Variants in LONRF3 observed in about 807,000 individuals in gnomAD.
LONRF3 encodes the protein LON peptidase N-terminal domain and ring finger 3.
In LONRF3, 19 loss-of-function variants were observed where a neutral mutation model predicts 51.7. That is an observed-to-expected ratio of 0.37 (90% CI 0.26 to 0.54). LONRF3 has a LOEUF of 0.54. LONRF3 is among the 20% of genes least tolerant of loss of function. The pLI is 0.86. For missense variants in LONRF3, 521 were observed against 623.9 expected, an observed-to-expected ratio of 0.84 and a Z score of 1.76; for synonymous variants, 265 against 257.8, an observed-to-expected ratio of 1.03 and a Z score of -0.27.
At chrX:118,986,511 G>A (rs963889279) in intron 3 of LONRF3, among the ~76,000 whole-genome samples, 1 of 111,820 alleles carries the variant, frequency 8.9e-6, no homozygotes, top group African/African-American at 3.3e-5. Flanking sequence ...CCCCAAGTGA[G>A]GTTTCTCTCC....
chrX:118,980,579 T>TC (rs397803186), intron 2 of LONRF3, among the ~76,000 whole-genome samples: 5 of 111,056 alleles, frequency 4.5e-5, no homozygotes, highest in Non-Finnish European at 9.5e-5. Flanking sequence ...CATTTTTTTT[T>TC]CTGAGAAGGT....
chrX:119,010,287 T>C (rs1032154725), intron 7 of LONRF3, among the ~76,000 whole-genome samples: 2 of 111,305 alleles, frequency 1.8e-5, no homozygotes, highest in African/African-American at 6.6e-5. Context: ...ATCACTAATT[T>C]CTGCCTCTCT....
At chrX:119,012,867 T>C (rs1423175189) in intron 8 of LONRF3, 172 bp from the exon 9 acceptor site, 1 of 1,185,409 alleles carries the variant, frequency 8.4e-7, no homozygotes, top group Non-Finnish European at 1.1e-6. Flanking sequence ...ACGAATTTTT[T>C]TTCTTCACAC....
intron 5 of LONRF3, among the ~76,000 whole-genome samples, chrX:119,000,775 TTCTCTCTCTCTCTCTCTCTCTCTCTC>T (rs200671696): frequency 0.21 from 11,840 of 55,268 alleles, 751 homozygotes; most frequent in East Asian, 0.4. Flanking sequence ...TTCACTCTCA[TTCTCTCTCTCTCTCTCTCTCTCTCTC>T]TCTCTCTCTC....
chrX:119,000,971 G>T lies in LONRF3; in HGVS notation c.1416-5150G>T, dbSNP rs6645535. Among the ~76,000 whole-genome samples the T allele has an allele frequency of 9.1e-3, 1,005 of 110,825 alleles. 20 individuals carry two copies. The East Asian group carries it at 0.13, about 14-fold the overall frequency. Reference sequence around the variant, plus strand: ...AGAAAACAATACAAGGATGTAACTGGTGGGAAAAGATAGCTATTTCCAGAC... The same window carrying T: ...AGAAAACAATACAAGGATGTAACTGTTGGGAAAAGATAGCTATTTCCAGAC... On this transcript the variant is annotated intron_variant, in intron 5 of 10. Transcript: ENST00000371628.
At chrX:119,012,096 G>A in intron 8 of LONRF3, 123 bp downstream of exon 8, 1 of 658,044 alleles carries the variant, frequency 1.5e-6, no homozygotes, top group Non-Finnish European at 2.3e-6. Flanking sequence ...AAGAATATGA[G>A]CATTTGTAAG....
chrX:119,002,686 A>C (rs1020354525), intron 5 of LONRF3, among the ~76,000 whole-genome samples: 1 of 112,162 alleles, frequency 8.9e-6, no homozygotes, highest in African/African-American at 3.2e-5. Flanking sequence ...TGCTCTAGAT[A>C]CAAGTTCTTT....
rs3813933 is a variant in LONRF3, at chrX:118,974,822, T to C, written c.42T>C (p.Ala14=). The change falls in exon 1 of 11, where the codon GCT becomes GCC. Residue 14 remains alanine, a synonymous_variant. Coordinates refer to ENST00000371628, the MANE Select transcript of LONRF3 (RefSeq NM_001031855.3). ...VRIEQMLSLP[A]EVSSDNLESA... Reference sequence around the variant, plus strand: ...TCGAACAGATGCTGAGCTTGCCCGCTGAGGTCAGCAGCGACAACTTGGAGT... The same window carrying C: ...TCGAACAGATGCTGAGCTTGCCCGCCGAGGTCAGCAGCGACAACTTGGAGT... 0.45 allele frequency: 547,564 copies of C among 1,204,832 alleles called. 86,229 individuals are homozygous for C. Among genetic ancestry groups the C allele is most frequent in the East Asian group, 0.78 (26,140 of 33,516 alleles).
intron 10 of LONRF3, among the ~76,000 whole-genome samples, chrX:119,017,048 G>T (rs1469334340): frequency 8.9e-6 from 1 of 112,017 alleles, no homozygotes; most frequent in Non-Finnish European, 1.9e-5. Flanking sequence ...AAACAAGATG[G>T]AGGGGCTAAG....
rs6646314 is a variant in LONRF3, at chrX:119,010,197, A to G, written c.1652+950A>G. Among the ~76,000 whole-genome samples the G allele has an allele frequency of 9.1e-3, 1,017 of 111,716 alleles. 14 individuals are homozygous for G. The East Asian group carries it at 0.1, about 11-fold the overall frequency. ...ACAGGTAATGTGAGAGGTGAAGGGGAGGGGCAGAGGCGTCATTGAGGCTCT... is the reference window on the plus strand; with the variant it reads ...ACAGGTAATGTGAGAGGTGAAGGGGGGGGGCAGAGGCGTCATTGAGGCTCT... On this transcript the variant is annotated intron_variant, in intron 7 of 10. Coordinates refer to ENST00000371628, the MANE Select transcript of LONRF3 (RefSeq NM_001031855.3).
chrX:118,979,429 G>T (rs1922382532), intron 2 of LONRF3, among the ~76,000 whole-genome samples: 1 of 110,710 alleles, frequency 9.0e-6, no homozygotes, highest in Non-Finnish European at 1.9e-5. Flanking sequence ...GAGTAGCTGG[G>T]ATCACAGGCG....
intron 6 of LONRF3, 122 bp downstream of exon 6, chrX:119,006,357 A>G (rs1008560265): frequency 1.5e-5 from 5 of 338,338 alleles, no homozygotes; most frequent in African/African-American, 5.6e-5. Context: ...GCACTGTGGT[A>G]GGGCACATTA....
At position 118,996,166 on chromosome X, in the gene LONRF3, T is replaced by C. The variant is rs190990347; in HGVS notation, c.1415+5606T>C. ...TTGAGATGATCATGTGATTTTTGTT[T>C]TGATTTCTTTTCAGTATTATGTTGG... On this transcript the variant is annotated intron_variant, in intron 5 of 10. Transcript: ENST00000371628. 3.7e-4 allele frequency among the ~76,000 whole-genome samples: 41 copies of C among 112,238 alleles called. No homozygotes were observed. In the Admixed American group the frequency reaches 3.9e-3, roughly 11 times the overall value.
chrX:119,005,337 C>T (rs962407625), intron 5 of LONRF3, among the ~76,000 whole-genome samples: 1 of 111,769 alleles, frequency 8.9e-6, no homozygotes, highest in Non-Finnish European at 1.9e-5. Flanking sequence ...TCTGAAGGTA[C>T]AGAACAAATT....
intron 3 of LONRF3, among the ~76,000 whole-genome samples, chrX:118,984,317 C>T (rs1189941641): frequency 8.9e-6 from 1 of 112,307 alleles, no homozygotes; most frequent in Non-Finnish European, 1.9e-5. Context: ...ATGGCCACAG[C>T]CTTAGCACTC....
At chrX:118,993,958 C>A (rs1309817010) in intron 5 of LONRF3, among the ~76,000 whole-genome samples, 1 of 112,111 alleles carries the variant, frequency 8.9e-6, no homozygotes, top group African/African-American at 3.2e-5. Flanking sequence ...TAGACATTTT[C>A]AGACAAACAA....
chrX:119,012,765 A>G, intron 8 of LONRF3: 2 of 526,079 alleles, frequency 3.8e-6, no homozygotes, highest in Non-Finnish European at 2.9e-6. Context: ...AAATTTCAAA[A>G]TGGGTTGTAG....
chrX:119,014,221 T>C lies in LONRF3; in HGVS notation c.1989T>C (p.Asp663=). ...YIEDQKVQGE[D]CAELMGLHNC... ...GATACTTTCAGGTTCAGGGAGAGGATTGTGCTGAGCTCATGGGATTACATA... is the reference window on the plus strand; with the variant it reads ...GATACTTTCAGGTTCAGGGAGAGGACTGTGCTGAGCTCATGGGATTACATA... The change falls in exon 10 of 11, where the codon GAT becomes GAC. Residue 663 remains aspartate (D), a synonymous_variant. Coordinates refer to ENST00000371628, the MANE Select transcript of LONRF3 (RefSeq NM_001031855.3). The C allele has an allele frequency of 8.3e-7, 1 of 1,206,839 alleles. No homozygotes were observed. Among genetic ancestry groups the C allele is most frequent in the East Asian group, 3.0e-5 (1 of 33,768 alleles).
chrX:118,979,129 T>C (rs375958514), intron 2 of LONRF3, among the ~76,000 whole-genome samples: 2 of 106,340 alleles, frequency 1.9e-5, no homozygotes, highest in East Asian at 5.9e-4. Context: ...GCCTCCTGAG[T>C]AGTTGGGACT....
Sources: allele counts gnomAD v4.1 joint callset (sites outside exome capture counted in the v4.1 genomes callset), GRCh38; gene constraint gnomAD v4.1.1; transcripts MANE v1.5; gene names NCBI Gene and HGNC (gene_info 2026-07-23, HGNC 2026-07-21).